Variants in RANBP3L observed in about 807,000 individuals in gnomAD.
The protein encoded by RANBP3L is RAN binding protein 3 like.
A neutral mutation model predicts 67.2 loss-of-function variants in RANBP3L; 56 were observed. That is an observed-to-expected ratio of 0.83 (90% confidence interval 0.67 to 1.04). RANBP3L has a LOEUF of 1.04. Among genes scored for constraint, RANBP3L ranks in the 50% least tolerant of loss-of-function variants. The pLI is 0.00. For missense variants in RANBP3L, 496 were observed against 535.5 expected (o/e 0.93, Z 0.73); for synonymous variants, 164 against 181.4 (o/e 0.90, Z 0.77).
At chr5:36,297,385 T>C (rs974357096) in intron 1 of RANBP3L, among the ~76,000 whole-genome samples, 12 of 151,622 alleles carry the variant, frequency 7.9e-5, no homozygotes, top group Non-Finnish European at 1.5e-4. Flanking sequence ...TATAAGTGGA[T>C]CTGAACAGTT....
chr5:36,298,406 G>A (rs1752383970), intron 1 of RANBP3L, among the ~76,000 whole-genome samples: 2 of 152,144 alleles, frequency 1.3e-5, no homozygotes, highest in Admixed American at 6.5e-5. Flanking sequence ...AAATAATAGA[G>A]GCAGAACTTT....
At chr5:36,262,448 C>T (rs928458863) in intron 6 of RANBP3L, among the ~76,000 whole-genome samples, 14 of 152,098 alleles carry the variant, frequency 9.2e-5, no homozygotes, top group Admixed American at 7.9e-4. Flanking sequence ...AGAATGTCAC[C>T]ATCCTAGTCA....
At chr5:36,273,949 C>A (rs185778670) in intron 1 of RANBP3L, among the ~76,000 whole-genome samples, 2 of 152,188 alleles carry the variant, frequency 1.3e-5, no homozygotes, top group Non-Finnish European at 2.9e-5. Context: ...CTCTACCAAT[C>A]GCTGAGTTTT....
rs75138591 is a variant in RANBP3L at position 36,272,603 on chromosome 5, A to G, written c.92-1292T>C. ...GGATACCTCTTTTCAGTCCAGTGAA[A>G]TAAACTGTTTTGTGTTTAGTGGGGT... is the stretch of plus-strand genomic sequence containing the variant. On this transcript the variant is annotated intron_variant, in intron 1 of 13. Coordinates refer to ENST00000296604, the MANE Select transcript of RANBP3L (RefSeq NM_145000.5). Among the ~76,000 whole-genome samples, 111 of 152,226 alleles carry G rather than the reference A, an allele frequency of 7.3e-4. No individual in the cohort carries two copies. In the East Asian group the frequency reaches 0.018, roughly 25 times the overall value.
chr5:36,297,450 C>CAT (rs1752308952), intron 1 of RANBP3L, among the ~76,000 whole-genome samples: 2 of 151,786 alleles, frequency 1.3e-5, no homozygotes, highest in Non-Finnish European at 1.5e-5. Context: ...CACACACGCA[C>CAT]ACACACACAT....
At chr5:36,295,948 A>G (rs184746421) in intron 1 of RANBP3L, among the ~76,000 whole-genome samples, 1 of 152,256 alleles carries the variant, frequency 6.6e-6, no homozygotes, top group African/African-American at 2.4e-5. Context: ...AAGTTCAGTC[A>G]TATGGCCAAT....
chr5:36,295,090 T>C (rs1752110738), intron 1 of RANBP3L, among the ~76,000 whole-genome samples: 1 of 151,948 alleles, frequency 6.6e-6, no homozygotes, highest in African/African-American at 2.4e-5. Flanking sequence ...TGAGCATAGG[T>C]GCACAAGTAT....
chr5:36,276,496 A>G (rs1750577271), intron 1 of RANBP3L, among the ~76,000 whole-genome samples: 1 of 45,226 alleles, frequency 2.2e-5, no homozygotes, highest in African/African-American at 6.8e-5. Flanking sequence ...GTATAGGGGA[A>G]AAAAAATTCA....
Position 36,269,547 on chromosome 5 carries a change from G to T in RANBP3L, c.191-80C>A, listed in dbSNP as rs1750064830. On this transcript the variant is annotated intron_variant, in intron 3 of 13. Coordinates refer to ENST00000296604, the MANE Select transcript of RANBP3L (RefSeq NM_145000.5). ...AACTCATGATAGGGTAGGATAAACAGAATTTTCTTTTGTCTACACAGACCA... is the reference window on the plus strand; with the variant it reads ...AACTCATGATAGGGTAGGATAAACATAATTTTCTTTTGTCTACACAGACCA... The T allele has an allele frequency of 5.8e-6, 5 of 862,374 alleles. No homozygotes were observed. In the South Asian group the frequency reaches 7.4e-5, roughly 13 times the overall value. 53.4% of individuals were successfully genotyped at this position (862,374 alleles called of 1,614,324 possible). A position where few individuals can be genotyped will look rare whatever the true frequency, so the allele number is the denominator to read the frequency against.
intron 1 of RANBP3L, among the ~76,000 whole-genome samples, chr5:36,297,377 T>C (rs1752297215): frequency 6.6e-6 from 1 of 151,846 alleles, no homozygotes; most frequent in African/African-American, 2.4e-5. Flanking sequence ...AATCCACATA[T>C]AAGTGGATCT....
intron 6 of RANBP3L, among the ~76,000 whole-genome samples, chr5:36,263,307 T>G (rs1749526883): frequency 6.6e-6 from 1 of 152,136 alleles, no homozygotes. Context: ...TCTCTTAAGC[T>G]TGGATCATTT....
chr5:36,283,712 T>C (rs1280558450), intron 1 of RANBP3L, among the ~76,000 whole-genome samples: 3 of 152,200 alleles, frequency 2.0e-5, no homozygotes, highest in African/African-American at 7.2e-5. Flanking sequence ...CTTCCTTTTA[T>C]TAGAACAATT....
chr5:36,270,081 T>A, intron 2 of RANBP3L, 91 bp from the exon 3 acceptor site: 2 of 1,135,942 alleles, frequency 1.8e-6, no homozygotes, highest in Non-Finnish European at 2.7e-6. Context: ...CAATTAAAAG[T>A]AATGGCAAAA....
chr5:36,285,537 C>T (rs1157580864), intron 1 of RANBP3L, among the ~76,000 whole-genome samples: 2 of 152,230 alleles, frequency 1.3e-5, no homozygotes, highest in Non-Finnish European at 2.9e-5. Flanking sequence ...TCATTTCTAA[C>T]ATATGCCTTA....
rs907162924 is a variant in RANBP3L at position 36,247,742 on chromosome 5, G to C, written c.*1912C>G. Among the ~76,000 whole-genome samples, 2 of 152,152 alleles carry C rather than the reference G, an allele frequency of 1.3e-5. No homozygotes were observed. The highest frequency in any genetic ancestry group is 2.9e-5 in the Non-Finnish European group (2 of 68,030). ...CTACTAAAAATACAAAAATTAGCCAGGTATGATGGCGGGCGCCTGTAATCC... is the reference window on the plus strand; with the variant it reads ...CTACTAAAAATACAAAAATTAGCCACGTATGATGGCGGGCGCCTGTAATCC... On this transcript the variant is annotated 3_prime_UTR_variant, in exon 14 of 14. Coordinates refer to ENST00000296604, the MANE Select transcript of RANBP3L (RefSeq NM_145000.5).
At chr5:36,274,722 G>T (rs1231753830) in intron 1 of RANBP3L, among the ~76,000 whole-genome samples, 1 of 151,996 alleles carries the variant, frequency 6.6e-6, no homozygotes, top group East Asian at 1.9e-4. Flanking sequence ...GCTTTGATAT[G>T]CATTTTTTCT....
chr5:36,291,068 T>C (rs1211625044), intron 1 of RANBP3L, among the ~76,000 whole-genome samples: 1 of 151,898 alleles, frequency 6.6e-6, no homozygotes, highest in Non-Finnish European at 1.5e-5. Flanking sequence ...TGGTAAAATA[T>C]ACTTACCATA....
intron 12 of RANBP3L, among the ~76,000 whole-genome samples, chr5:36,252,689 C>A (rs1266837631): frequency 6.6e-6 from 1 of 152,050 alleles, no homozygotes; most frequent in Non-Finnish European, 1.5e-5. Flanking sequence ...GTTTAACAGG[C>A]TCAGTCTCTG....
intron 1 of RANBP3L, among the ~76,000 whole-genome samples, chr5:36,292,193 G>A (rs1485936658): frequency 5.3e-5 from 8 of 152,130 alleles, no homozygotes; most frequent in Admixed American, 5.2e-4. Flanking sequence ...CTGCATAAAT[G>A]TCTTCTTTTG....
Sources: gnomAD v4.1 joint callset for allele counts (sites outside exome capture counted in the v4.1 genomes callset) on GRCh38, gnomAD v4.1.1 for gene constraint, MANE v1.5 for transcripts, NCBI Gene and HGNC (gene_info 2026-07-23, HGNC 2026-07-21) for gene names.